The following PLXNC1 variants were observed in gnomAD, a reference collection of about 807,000 sequenced individuals.
The protein encoded by PLXNC1 is plexin C1.
PLXNC1 carries 75 observed loss-of-function variants against 178.2 expected under a neutral mutation model. The observed-to-expected ratio is 0.42, with a 90% CI of 0.35 to 0.51. The LOEUF (loss-of-function observed/expected upper bound fraction) is 0.51, where lower values mean the gene tolerates loss of function less well. Among genes scored for constraint, PLXNC1 ranks in the 20% least tolerant of loss-of-function variants. The pLI is 0.02. For missense variants in PLXNC1, 1,503 were observed against 1,984.4 expected (o/e 0.76, Z 4.61); for synonymous variants, 790 against 779.9 (o/e 1.01, Z -0.22).
intron 3 of PLXNC1, among the ~76,000 whole-genome samples, chr12:94,184,448 A>G (rs1268627614): frequency 1.3e-5 from 2 of 148,380 alleles, no homozygotes; most frequent in African/African-American, 5.0e-5. Context: ...TTTTTGAAAC[A>G]GAGTCTCACT....
At chr12:94,169,797 A>G (rs182470766) in intron 2 of PLXNC1, among the ~76,000 whole-genome samples, 1 of 152,194 alleles carries the variant, frequency 6.6e-6, no homozygotes, top group Non-Finnish European at 1.5e-5. Flanking sequence ...CACACACACC[A>G]CAGAGAGGTT....
At position 94,275,820 on chromosome 12, in the gene PLXNC1, A is replaced by C. The variant is rs896852571; in HGVS notation, c.3598-3652A>C. On this transcript the variant is annotated intron_variant, in intron 21 of 30. Transcript: ENST00000258526. ...CAGTGAGCCGAGATCCCGCCACTGC[A>C]CTCCAGCCTGGGCGACAGAGCGAGA... Among the ~76,000 whole-genome samples the C allele has an allele frequency of 5.3e-5, 7 of 131,420 alleles. 1 individual carries two copies. Among genetic ancestry groups the C allele is most frequent in the Non-Finnish European group, 1.1e-4 (7 of 63,828 alleles). The allele number at this position is 131,420 out of a possible 152,430, so 86.2% of individuals were successfully genotyped here. A position where few individuals can be genotyped will look rare whatever the true frequency, so the allele number is the denominator to read the frequency against.
In PLXNC1 at chr12:94,241,132, T is replaced by C. The variant is rs537840809; in HGVS notation, c.2300+468T>C. On this transcript the variant is annotated intron_variant, in intron 11 of 30. Transcript: ENST00000258526. ...GGGAGATGGAAACCCCAAAATAAAC[T>C]CTCCCAGATAAATCCAATATGTTAA... Among the ~76,000 whole-genome samples, 147 of 152,232 alleles carry C rather than the reference T, an allele frequency of 9.7e-4. 1 individual carries two copies. Among genetic ancestry groups the C allele is most frequent in the African/African-American group, 3.4e-3 (140 of 41,532 alleles).
chr12:94,203,776 A>G (rs1342432872), intron 4 of PLXNC1, among the ~76,000 whole-genome samples: 1 of 152,202 alleles, frequency 6.6e-6, no homozygotes, highest in Non-Finnish European at 1.5e-5. Context: ...GCCTATGGGC[A>G]CTAGGAAGGT....
intron 6 of PLXNC1, among the ~76,000 whole-genome samples, chr12:94,221,996 T>C (rs968521144): frequency 1.1e-4 from 17 of 152,312 alleles, no homozygotes; most frequent in African/African-American, 4.1e-4. Flanking sequence ...CAAAAGGCAA[T>C]TTAATGCACC....
chr12:94,188,040 G>T (rs982143969), intron 4 of PLXNC1, among the ~76,000 whole-genome samples: 2 of 151,906 alleles, frequency 1.3e-5, no homozygotes, highest in African/African-American at 4.8e-5. Flanking sequence ...TGGTCTCCTG[G>T]AAGCCAAGGA....
intron 13 of PLXNC1, 60 bp from the exon 14 acceptor site, chr12:94,248,167 T>A: frequency 6.3e-7 from 1 of 1,596,962 alleles, no homozygotes; most frequent in Admixed American, 1.7e-5. Context: ...AAAGGTGTGT[T>A]TATGCTCGTG....
At chr12:94,169,357 C>T in intron 2 of PLXNC1, 64 bp downstream of exon 2, 1 of 1,239,170 alleles carries the variant, frequency 8.1e-7, no homozygotes, top group Non-Finnish European at 1.1e-6. Flanking sequence ...TTTAAAAAAA[C>T]ATTTTTTTAA....
At chr12:94,288,044 A>G (rs545931007) in intron 23 of PLXNC1, among the ~76,000 whole-genome samples, 1 of 152,366 alleles carries the variant, frequency 6.6e-6, no homozygotes, top group Admixed American at 6.5e-5. Context: ...GGCTCTGCGC[A>G]GGGCCTGAGG....
At chr12:94,284,735 G>A (rs1284131049) in intron 23 of PLXNC1, among the ~76,000 whole-genome samples, 1 of 152,152 alleles carries the variant, frequency 6.6e-6, no homozygotes. Flanking sequence ...ACCAGTCCAT[G>A]CTGTGGCCTC....
chr12:94,170,796 A>G (rs1408873286), intron 2 of PLXNC1, among the ~76,000 whole-genome samples: 1 of 152,208 alleles, frequency 6.6e-6, no homozygotes, highest in African/African-American at 2.4e-5. Context: ...TTGTATACAC[A>G]TTCTTTTAAA....
chr12:94,194,507 A>G (rs1251970736), intron 4 of PLXNC1, among the ~76,000 whole-genome samples: 1 of 152,202 alleles, frequency 6.6e-6, no homozygotes, highest in African/African-American at 2.4e-5. Context: ...GATTACAGGC[A>G]CTTTGGGAGG....
intron 21 of PLXNC1, among the ~76,000 whole-genome samples, chr12:94,274,068 C>T (rs1030854129): frequency 6.1e-5 from 9 of 148,036 alleles, no homozygotes; most frequent in African/African-American, 2.0e-4. Context: ...CACCTGTAAT[C>T]CCAGCACTTT....
intron 9 of PLXNC1, 53 bp downstream of exon 9, chr12:94,227,288 T>C (rs1246764621): frequency 5.0e-6 from 5 of 1,007,130 alleles, no homozygotes; most frequent in Non-Finnish European, 7.9e-6. Flanking sequence ...TGAATGACCA[T>C]GACCACAACT....
chr12:94,212,273 C>CAAAAAAAAAA (rs146191533), intron 5 of PLXNC1, among the ~76,000 whole-genome samples: 1 of 89,140 alleles, frequency 1.1e-5, no homozygotes, highest in African/African-American at 4.5e-5. Flanking sequence ...GACTCCGTCT[C>CAAAAAAAAAA]AAAAAAAAAA....
intron 9 of PLXNC1, among the ~76,000 whole-genome samples, chr12:94,231,588 C>T (rs1964104965): frequency 6.6e-6 from 1 of 152,180 alleles, no homozygotes; most frequent in African/African-American, 2.4e-5. Context: ...CACACTGTTT[C>T]ATGACCCCAA....
chr12:94,219,255 A>G (rs1195537732), intron 5 of PLXNC1, among the ~76,000 whole-genome samples: 2 of 152,250 alleles, frequency 1.3e-5, no homozygotes, highest in Non-Finnish European at 2.9e-5. Context: ...ATTAGAGCAG[A>G]GCAGAGTTCA....
rs3032367 is a variant in PLXNC1, at chr12:94,215,556, T to TGATAGATAGATAGATA, written c.1555-4439_1555-4424dup. Among the ~76,000 whole-genome samples the TGATAGATAGATAGATA allele has an allele frequency of 3.1e-3, 465 of 149,328 alleles. 1 individual carries two copies. The highest frequency in any genetic ancestry group is 6.1e-3 in the East Asian group (31 of 5,044). On this transcript the variant is annotated intron_variant, in intron 5 of 30. Transcript: ENST00000258526. ...ACTCCCATTAGATTGCAAACATAGATGATAGATAGATAGATAGATAGATAG... is the reference window on the plus strand; with the variant it reads ...ACTCCCATTAGATTGCAAACATAGATGATAGATAGATAGATAGATAGATAGATAGATAGATAGATAG...
intron 22 of PLXNC1, among the ~76,000 whole-genome samples, chr12:94,280,589 T>G (rs1966365309): frequency 6.6e-6 from 1 of 152,246 alleles, no homozygotes; most frequent in African/African-American, 2.4e-5. Flanking sequence ...ACCCCTCTTC[T>G]GCTTCCTTCC....
Sources: allele counts gnomAD v4.1 joint callset (sites outside exome capture counted in the v4.1 genomes callset), GRCh38; gene constraint gnomAD v4.1.1; transcripts MANE v1.5; gene names NCBI Gene and HGNC (gene_info 2026-07-23, HGNC 2026-07-21).